DRC11: variants seen among roughly 807,000 people sequenced by gnomAD.
DRC11 encodes dynein regulatory complex subunit 11.
At chr2:236,357,575 T>C in the DRC11 span, among the ~76,000 whole-genome samples, 31 of 127,192 alleles carry the variant, frequency 2.4e-4, no homozygotes, top group African/African-American at 4.4e-4. Flanking sequence ...TATGCATAGT[T>C]ATATATTATA....
At chr2:236,370,373 A>G in the DRC11 span, among the ~76,000 whole-genome samples, 1 of 152,176 alleles carries the variant, frequency 6.6e-6, no homozygotes, top group East Asian at 1.9e-4. This position sits in a 1 kb window ranked among gnomAD's most constrained non-coding sequence, Gnocchi z 5.5. Flanking sequence ...TGAGGCACAG[A>G]AAGAGTAAGT....
At chr2:236,370,934 T>TGATTCTAATGACTGTTGA in the DRC11 span, among the ~76,000 whole-genome samples, 2 of 152,128 alleles carry the variant, frequency 1.3e-5, no homozygotes. The surrounding 1 kb of genome is among the most constrained non-coding windows in gnomAD (Gnocchi z 5.5). Context: ...TTATCTGCTG[T>TGATTCTAATGACTGTTGA]GATTCTAATG....
At chr2:236,389,761 A>G in the DRC11 span, among the ~76,000 whole-genome samples, 1 of 151,870 alleles carries the variant, frequency 6.6e-6, no homozygotes, top group South Asian at 2.1e-4. Flanking sequence ...GTTATTCAAG[A>G]GTGTGTTGTT....
chr2:236,505,361 T>C, the DRC11 span, among the ~76,000 whole-genome samples: 5 of 152,166 alleles, frequency 3.3e-5, 1 homozygote, highest in Non-Finnish European at 7.4e-5. Context: ...GATAAAACCT[T>C]CTGAATCTTC....
the DRC11 span, among the ~76,000 whole-genome samples, chr2:236,344,998 C>T: frequency 1.3e-5 from 2 of 148,664 alleles, no homozygotes; most frequent in South Asian, 2.1e-4. Flanking sequence ...ATGCGCTTCC[C>T]TCTGGGGTGT....
the DRC11 span, among the ~76,000 whole-genome samples, chr2:236,327,005 C>T: frequency 1.3e-4 from 20 of 152,116 alleles, no homozygotes; most frequent in South Asian, 3.8e-3. Context: ...CAGGTGTGAG[C>T]CACCATGCCT....
chr2:236,489,456 T>TGTGTGGGCTCTGGGTGC, the DRC11 span, among the ~76,000 whole-genome samples: 1 of 151,774 alleles, frequency 6.6e-6, no homozygotes, highest in African/African-American at 2.4e-5. Flanking sequence ...TGCTGGGGCC[T>TGTGTGGGCTCTGGGTGC]ATGTGGGCTC....
At chr2:236,426,803 T>G in the DRC11 span, among the ~76,000 whole-genome samples, 1 of 152,222 alleles carries the variant, frequency 6.6e-6, no homozygotes, top group African/African-American at 2.4e-5. This position sits in a 1 kb window ranked among gnomAD's most constrained non-coding sequence, Gnocchi z 4.1. Flanking sequence ...CTAATTGCTC[T>G]GGCTAGGACT....
the DRC11 span, among the ~76,000 whole-genome samples, chr2:236,329,035 C>T: frequency 6.6e-6 from 1 of 152,202 alleles, no homozygotes; most frequent in Non-Finnish European, 1.5e-5. Context: ...CAGAAATCAC[C>T]TGCTTTTCTG....
the DRC11 span, among the ~76,000 whole-genome samples, chr2:236,357,596 T>G: frequency 7.9e-5 from 10 of 126,634 alleles, no homozygotes; most frequent in African/African-American, 3.2e-4. Context: ...AATATGCATT[T>G]ATGTAAATAT....
the DRC11 span, among the ~76,000 whole-genome samples, chr2:236,406,721 C>G: frequency 6.6e-6 from 1 of 151,816 alleles, no homozygotes; most frequent in Non-Finnish European, 1.5e-5. This position sits in a 1 kb window ranked among gnomAD's most constrained non-coding sequence, Gnocchi z 4.7. Flanking sequence ...TGCAACTAAA[C>G]TTGAAAAACA....
chr2:236,409,050 T>G, the DRC11 span: 1 of 598,534 alleles, frequency 1.7e-6, no homozygotes, highest in Non-Finnish European at 3.0e-6. Context: ...GACCCATGTC[T>G]GGGAGTGGAG....
At chr2:236,477,650 G>A in the DRC11 span, among the ~76,000 whole-genome samples, 1 of 152,088 alleles carries the variant, frequency 6.6e-6, no homozygotes, top group African/African-American at 2.4e-5. Flanking sequence ...ATTTGGTAGG[G>A]AATCCATCAG....
the DRC11 span, chr2:236,368,609 T>G: frequency 4.5e-6 from 1 of 222,084 alleles, no homozygotes; most frequent in Non-Finnish European, 8.9e-6. Flanking sequence ...TGGGACAAAG[T>G]GCTAAAAAGA....
chr2:236,327,666 A>C, the DRC11 span, among the ~76,000 whole-genome samples: 15 of 152,112 alleles, frequency 9.9e-5, no homozygotes, highest in African/African-American at 3.4e-4. Context: ...GTCCACAGAC[A>C]ATTTATTCAC....
At chr2:236,339,604 T>C in the DRC11 span, among the ~76,000 whole-genome samples, 1 of 152,104 alleles carries the variant, frequency 6.6e-6, no homozygotes, top group African/African-American at 2.4e-5. Flanking sequence ...GAGGTAAGGG[T>C]CCAACTCTTT....
chr2:236,342,324 GGT>G, the DRC11 span, among the ~76,000 whole-genome samples: 2 of 152,208 alleles, frequency 1.3e-5, no homozygotes, highest in Non-Finnish European at 2.9e-5. The surrounding 1 kb of genome is among the most constrained non-coding windows in gnomAD (Gnocchi z 5.8). Context: ...AGGCTCCCTA[GGT>G]GGCTGAGTGA....
the DRC11 span, among the ~76,000 whole-genome samples, chr2:236,466,077 C>T: frequency 0.014 from 2,087 of 152,110 alleles, 27 homozygotes; most frequent in Non-Finnish European, 0.021. Flanking sequence ...AGTTTTTTAT[C>T]TAACACACTT....
At chr2:236,324,812 G>A in the DRC11 span, 6 of 1,534,528 alleles carry the variant, frequency 3.9e-6, no homozygotes, top group Non-Finnish European at 5.4e-6. This position sits in a 1 kb window ranked among gnomAD's most constrained non-coding sequence, Gnocchi z 5.7. Flanking sequence ...TTCGGAAAAG[G>A]TCAGAATGAC....
Sources: allele counts gnomAD v4.1 joint callset (sites outside exome capture counted in the v4.1 genomes callset), GRCh38; gene constraint gnomAD v4.1.1; non-coding constraint Gnocchi (gnomAD v3.1); transcripts MANE v1.5; gene names NCBI Gene and HGNC (gene_info 2026-07-23, HGNC 2026-07-21).